Variants in GPC5 observed in about 807,000 individuals in gnomAD.
The protein encoded by GPC5 is glypican 5, also known as glypican-5.
In GPC5, 47 loss-of-function variants were observed where a neutral mutation model predicts 53.9. That is an observed-to-expected ratio of 0.87 (90% CI 0.69 to 1.11). The LOEUF is 1.11. Ranked by LOEUF, GPC5 falls within the 50% of genes most tolerant of loss-of-function variation. GPC5 has a pLI of 0.00. For synonymous variants in GPC5, 286 were observed against 263.3 expected (o/e 1.09, Z -0.84); for missense variants, 748 against 713.1 (o/e 1.05, Z -0.56).
At position 92,479,300 on chromosome 13, in the gene GPC5, G is replaced by A. The variant is rs77267423; in HGVS notation, c.1561+334311G>A. 7.4e-3 allele frequency among the ~76,000 whole-genome samples: 1,120 copies of A among 152,278 alleles called. 19 individuals carry two copies. Among genetic ancestry groups the A allele is most frequent in the African/African-American group, 0.025 (1,058 of 41,562 alleles). On this transcript the variant is annotated intron_variant, in intron 7 of 7. Transcript: ENST00000377067. Reference sequence around the variant, plus strand: ...GTTTCAGTGACTAAGGAGATGCAAGGAGAGCATGGGATTTCTGAAACCAGG... The same window carrying A: ...GTTTCAGTGACTAAGGAGATGCAAGAAGAGCATGGGATTTCTGAAACCAGG...
intron 7 of GPC5, among the ~76,000 whole-genome samples, chr13:92,361,038 C>A (rs1175512508): frequency 6.6e-6 from 1 of 151,874 alleles, no homozygotes; most frequent in Non-Finnish European, 1.5e-5. Context: ...ACACTGAAAT[C>A]AGAACTATTC....
At chr13:91,962,842 C>T (rs1232315943) in intron 6 of GPC5, among the ~76,000 whole-genome samples, 2 of 152,114 alleles carry the variant, frequency 1.3e-5, no homozygotes, top group African/African-American at 4.8e-5. Context: ...ATAATAGTGG[C>T]CTTCAGGCCA....
chr13:92,110,291 A>T (rs1247561768), intron 6 of GPC5, among the ~76,000 whole-genome samples: 1 of 152,198 alleles, frequency 6.6e-6, no homozygotes, highest in Non-Finnish European at 1.5e-5. Flanking sequence ...CATCTTAAGC[A>T]GTTCTGCTTC....
chr13:92,055,362 A>G (rs2041066009), intron 6 of GPC5, among the ~76,000 whole-genome samples: 1 of 152,182 alleles, frequency 6.6e-6, no homozygotes, highest in Non-Finnish European at 1.5e-5. Flanking sequence ...TGGATGTGGT[A>G]ATTGATTATT....
chr13:92,808,289 T>C (rs1877175088), intron 7 of GPC5, among the ~76,000 whole-genome samples: 3 of 152,128 alleles, frequency 2.0e-5, no homozygotes, highest in Admixed American at 1.3e-4. Context: ...AACACACAAG[T>C]GTATGCGTAT....
chr13:92,575,986 T>TC (rs1883178394), intron 7 of GPC5, among the ~76,000 whole-genome samples: 2 of 152,054 alleles, frequency 1.3e-5, no homozygotes, highest in South Asian at 4.1e-4. Flanking sequence ...GACTGACAGG[T>TC]TTGACAACTT....
chr13:91,547,537 A>G (rs1195032400), intron 2 of GPC5, among the ~76,000 whole-genome samples: 1 of 152,134 alleles, frequency 6.6e-6, no homozygotes, highest in Non-Finnish European at 1.5e-5. Context: ...CCAGGCCCAG[A>G]TAAGTACACT....
chr13:92,319,205 T>C (rs1199014882), intron 7 of GPC5, among the ~76,000 whole-genome samples: 1 of 152,054 alleles, frequency 6.6e-6, no homozygotes, highest in African/African-American at 2.4e-5. Context: ...TTCTAACAAG[T>C]GAGGATTTGA....
At chr13:92,525,437 AGTGTGT>A (rs34946580) in intron 7 of GPC5, among the ~76,000 whole-genome samples, 2,668 of 136,660 alleles carry the variant, frequency 0.02, 35 homozygotes, top group Middle Eastern at 0.058. Flanking sequence ...GATAGATTCA[AGTGTGT>A]GTGTGTGTGT....
intron 7 of GPC5, among the ~76,000 whole-genome samples, chr13:92,710,464 G>A (rs940899880): frequency 6.6e-6 from 1 of 152,178 alleles, no homozygotes; most frequent in Non-Finnish European, 1.5e-5. Flanking sequence ...TAATAATTGT[G>A]TACAGTTTTA....
intron 7 of GPC5, among the ~76,000 whole-genome samples, chr13:92,424,965 G>C (rs1479902462): frequency 6.6e-6 from 1 of 152,018 alleles, no homozygotes; most frequent in East Asian, 1.9e-4. Context: ...TTTCTGTCTT[G>C]ATAGGCTGAC....
rs568533749 is a variant in GPC5, at chr13:91,633,074, C to T, written c.326-60113C>T. On this transcript the variant is annotated intron_variant, in intron 2 of 7. Transcript: ENST00000377067. ...TTATGCAGAAATGAAAACAAAGATG[C>T]TACAAATTAGACTTGATGACTGGAT... Among the ~76,000 whole-genome samples the T allele has an allele frequency of 2.6e-5, 4 of 152,224 alleles. No individual in the cohort carries two copies. In the South Asian group the frequency reaches 6.2e-4, roughly 24 times the overall value.
chr13:92,291,789 G>A (rs769205532), intron 7 of GPC5, among the ~76,000 whole-genome samples: 8 of 152,060 alleles, frequency 5.3e-5, no homozygotes, highest in South Asian at 2.1e-4. Context: ...TGAAGCCAGC[G>A]AGACCACAAA....
chr13:92,540,441 C>T (rs1021472828), intron 7 of GPC5, among the ~76,000 whole-genome samples: 2 of 151,780 alleles, frequency 1.3e-5, no homozygotes, highest in African/African-American at 4.8e-5. Context: ...AAAATATTAG[C>T]GTTTGGTGAT....
intron 7 of GPC5, among the ~76,000 whole-genome samples, chr13:92,672,801 C>A (rs1332671883): frequency 1.3e-5 from 2 of 152,132 alleles, no homozygotes; most frequent in Non-Finnish European, 2.9e-5. Context: ...CCAAACACCG[C>A]ATGTTCTCAT....
chr13:92,054,067 AT>A (rs1566414497), intron 6 of GPC5, among the ~76,000 whole-genome samples: 1 of 145,324 alleles, frequency 6.9e-6, no homozygotes, highest in Non-Finnish European at 1.5e-5. Flanking sequence ...AAATAAATAA[AT>A]AAATAAGATT....
At chr13:91,826,720 G>A (rs993704482) in intron 5 of GPC5, among the ~76,000 whole-genome samples, 11 of 152,078 alleles carry the variant, frequency 7.2e-5, no homozygotes, top group Admixed American at 2.0e-4. Context: ...AAAAGAGTAA[G>A]TTCAATTAAC....
At chr13:92,232,226 C>T (rs926150239) in intron 7 of GPC5, among the ~76,000 whole-genome samples, 4 of 151,936 alleles carry the variant, frequency 2.6e-5, no homozygotes, top group African/African-American at 7.3e-5. Context: ...ATTGGCATGT[C>T]CATATTGTCC....
intron 7 of GPC5, among the ~76,000 whole-genome samples, chr13:92,194,596 A>G (rs1258541125): frequency 2.0e-5 from 3 of 152,236 alleles, no homozygotes; most frequent in Non-Finnish European, 4.4e-5. Flanking sequence ...CAGAAATTAC[A>G]TAATGGCCAT....
Sources: gnomAD v4.1 joint callset for allele counts (sites outside exome capture counted in the v4.1 genomes callset) on GRCh38, gnomAD v4.1.1 for gene constraint, MANE v1.5 for transcripts, NCBI Gene and HGNC (gene_info 2026-07-23, HGNC 2026-07-21) for gene names.